The following GPC5 variants were observed in gnomAD, a reference collection of about 807,000 sequenced individuals.
The protein encoded by GPC5 is glypican-5.
In GPC5, 47 loss-of-function variants were observed where a neutral mutation model predicts 53.9. The observed-to-expected ratio is 0.87, with a 90% confidence interval of 0.69 to 1.11. GPC5 has a LOEUF of 1.11. GPC5 is among the 50% of genes most tolerant of loss of function. GPC5 has a pLI of 0.00. For missense variants in GPC5, 748 were observed against 713.1 expected (o/e 1.05, Z -0.56); for synonymous variants, 286 against 263.3 (o/e 1.09, Z -0.84).
At chr13:91,920,477 CA>C (rs1448692539) in intron 6 of GPC5, among the ~76,000 whole-genome samples, 3 of 152,094 alleles carry the variant, frequency 2.0e-5, no homozygotes, top group Non-Finnish European at 4.4e-5. Context: ...ATGAATTTAT[CA>C]AGTAAGTAAT....
At chr13:91,859,951 A>G (rs2039007805) in intron 5 of GPC5, among the ~76,000 whole-genome samples, 1 of 152,058 alleles carries the variant, frequency 6.6e-6, no homozygotes, top group Non-Finnish European at 1.5e-5. Context: ...ATAATTGTGC[A>G]TATTTGTGGG....
At chr13:91,636,542 A>G (rs1470047190) in intron 2 of GPC5, among the ~76,000 whole-genome samples, 1 of 152,128 alleles carries the variant, frequency 6.6e-6, no homozygotes, top group East Asian at 1.9e-4. Flanking sequence ...GTGGCATTTT[A>G]TAGCCATGGA....
chr13:92,580,584 T>G (rs1457486150), intron 7 of GPC5, among the ~76,000 whole-genome samples: 1 of 152,166 alleles, frequency 6.6e-6, no homozygotes, highest in Non-Finnish European at 1.5e-5. Flanking sequence ...ACAGGAGGAA[T>G]GGCACCAGCA....
intron 2 of GPC5, among the ~76,000 whole-genome samples, chr13:91,587,120 A>G (rs753998543): frequency 6.6e-6 from 1 of 152,094 alleles, no homozygotes; most frequent in Non-Finnish European, 1.5e-5. Context: ...ATTGTTTTGC[A>G]AACAACTCAA....
intron 7 of GPC5, among the ~76,000 whole-genome samples, chr13:92,727,372 A>G (rs1439182439): frequency 1.3e-5 from 2 of 151,452 alleles, no homozygotes; most frequent in African/African-American, 4.8e-5. Context: ...CTGTACTAAG[A>G]GGGCTCACTT....
rs575897567 is a variant in GPC5, at chr13:91,699,116, G to A, written c.1020+5235G>A. On this transcript the variant is annotated intron_variant, in intron 3 of 7. Transcript: ENST00000377067. ...TGAAATTATTTTGAAATTAATGTTGGATATGTAGAGTGTGTTCTTTTGAGC... is the reference window on the plus strand; with the variant it reads ...TGAAATTATTTTGAAATTAATGTTGAATATGTAGAGTGTGTTCTTTTGAGC... Among the ~76,000 whole-genome samples, 17 of 152,306 alleles carry A rather than the reference G, an allele frequency of 1.1e-4. No individual in the cohort carries two copies. In the South Asian group the frequency reaches 3.1e-3, roughly 28 times the overall value.
At chr13:92,787,650 G>C (rs1876288595) in intron 7 of GPC5, among the ~76,000 whole-genome samples, 1 of 111,538 alleles carries the variant, frequency 9.0e-6, no homozygotes, top group South Asian at 3.3e-4. Context: ...CTGGGCAACA[G>C]AGAGACCTCA....
At chr13:91,729,778 A>G (rs1444604330) in intron 4 of GPC5, among the ~76,000 whole-genome samples, 1 of 152,198 alleles carries the variant, frequency 6.6e-6, no homozygotes, top group Non-Finnish European at 1.5e-5. Context: ...TTTTTATAAT[A>G]AAACCCATCT....
intron 7 of GPC5, among the ~76,000 whole-genome samples, chr13:92,725,740 A>G (rs1888628667): frequency 6.6e-6 from 1 of 151,678 alleles, no homozygotes; most frequent in African/African-American, 2.4e-5. Flanking sequence ...GAATGATCAA[A>G]ATAGAGCTCT....
At chr13:92,716,716 C>T (rs939783434) in intron 7 of GPC5, among the ~76,000 whole-genome samples, 1 of 152,058 alleles carries the variant, frequency 6.6e-6, no homozygotes, top group South Asian at 2.1e-4. Flanking sequence ...TCTTTCAGGA[C>T]AATCTTTAGA....
At chr13:91,854,683 T>A (rs1338941918) in intron 5 of GPC5, among the ~76,000 whole-genome samples, 1 of 151,808 alleles carries the variant, frequency 6.6e-6, no homozygotes, top group African/African-American at 2.4e-5. Flanking sequence ...TCTCATCCAA[T>A]CACACTAGAA....
chr13:91,685,936 A>T (rs2035613056), intron 2 of GPC5, among the ~76,000 whole-genome samples: 1 of 151,736 alleles, frequency 6.6e-6, no homozygotes, highest in South Asian at 2.1e-4. Flanking sequence ...TAACTAAAAA[A>T]AAAAAACAAA....
chr13:91,492,380 C>G (rs941726480), intron 2 of GPC5, among the ~76,000 whole-genome samples: 1 of 152,118 alleles, frequency 6.6e-6, no homozygotes, highest in African/African-American at 2.4e-5. Flanking sequence ...GACGGAGAAT[C>G]AGGAAAGCTG....
chr13:91,415,421 T>C (rs1350608496), intron 1 of GPC5, among the ~76,000 whole-genome samples: 1 of 152,160 alleles, frequency 6.6e-6, no homozygotes, highest in African/African-American at 2.4e-5. Flanking sequence ...CAAGTAGGGC[T>C]AATGTGCAGA....
At chr13:91,931,172 G>C (rs1055025689) in intron 6 of GPC5, among the ~76,000 whole-genome samples, 1 of 151,736 alleles carries the variant, frequency 6.6e-6, no homozygotes, top group African/African-American at 2.4e-5. Flanking sequence ...TAGTTTCTTT[G>C]GAGAAATTAC....
At chr13:92,131,821 C>T (rs1213795889) in intron 6 of GPC5, among the ~76,000 whole-genome samples, 1 of 151,746 alleles carries the variant, frequency 6.6e-6, no homozygotes, top group Non-Finnish European at 1.5e-5. Flanking sequence ...GATCTGTATA[C>T]TCTGTTACGT....
intron 7 of GPC5, among the ~76,000 whole-genome samples, chr13:92,443,043 T>C (rs769285456): frequency 1.3e-5 from 2 of 152,186 alleles, no homozygotes; most frequent in Non-Finnish European, 2.9e-5. Context: ...CTCACAACCC[T>C]GCAGACTGCA....
intron 7 of GPC5, among the ~76,000 whole-genome samples, chr13:92,583,770 C>A (rs1883443498): frequency 1.3e-5 from 2 of 152,206 alleles, no homozygotes; most frequent in Admixed American, 6.5e-5. Context: ...TTTCAAATCT[C>A]ATCTTGAATT....
intron 7 of GPC5, among the ~76,000 whole-genome samples, chr13:92,525,095 T>C (rs1049628160): frequency 1.1e-4 from 17 of 152,094 alleles, no homozygotes; most frequent in African/African-American, 3.6e-4. Flanking sequence ...TGAAAGGCCA[T>C]ACCATCGCAT....
Sources: gnomAD v4.1 joint callset for allele counts (sites outside exome capture counted in the v4.1 genomes callset) on GRCh38, gnomAD v4.1.1 for gene constraint, MANE v1.5 for transcripts, NCBI Gene and HGNC (gene_info 2026-07-23, HGNC 2026-07-21) for gene names.